The following SLC22A8 variants were observed in gnomAD, a reference collection of about 807,000 sequenced individuals.
The protein encoded by SLC22A8 is organic anion transporter 3.
A neutral mutation model predicts 48.4 loss-of-function variants in SLC22A8; 40 were observed. The ratio of observed to expected loss-of-function variants is 0.83; its 90% confidence interval spans 0.64 to 1.08. SLC22A8 has a LOEUF of 1.08. Ranked by LOEUF, SLC22A8 falls within the 50% of genes least tolerant of loss-of-function variation. SLC22A8 has a pLI of 0.00. For missense variants in SLC22A8, 606 were observed against 699.0 expected (o/e 0.87, Z 1.50); for synonymous variants, 268 against 286.3 (o/e 0.94, Z 0.65).
intron 2 of SLC22A8, among the ~76,000 whole-genome samples, chr11:63,001,578 C>T (rs115267591): frequency 5.4e-4 from 82 of 152,362 alleles, no homozygotes; most frequent in African/African-American, 1.9e-3. Flanking sequence ...GTCAGGCTTC[C>T]TGCTGTTCTG....
At chr11:62,995,082 A>C in intron 7 of SLC22A8, 1 of 408,138 alleles carries the variant, frequency 2.5e-6, no homozygotes, top group Non-Finnish European at 4.6e-6. Context: ...CTGGTTGGGC[A>C]GCAGTTTAAC....
rs762674610 is a variant in SLC22A8 at position 62,994,747 on chromosome 11, G to A, written c.1011C>T (p.Thr337=). 2.0e-5 allele frequency: 32 copies of A among 1,613,940 alleles called. No individual in the cohort carries two copies. Among genetic ancestry groups the A allele is most frequent in the East Asian group, 6.7e-5 (3 of 44,900 alleles). Residue 337 remains threonine (T), a synonymous_variant, in exon 8 of 11, where the codon ACC becomes ACT. Coordinates refer to ENST00000336232, the MANE Select transcript of SLC22A8 (RefSeq NM_004254.4). ...TFCLSLAWFA[T]GFAYYSLAMG... ...TAGCCAAACTATAGTAGGCAAAACC[G>A]GTAGCAAACCTGAGAGGCAGAGAAG...
chr11:63,012,851 C>T (rs1264630500), intron 2 of SLC22A8, among the ~76,000 whole-genome samples: 1 of 152,136 alleles, frequency 6.6e-6, no homozygotes, highest in Admixed American at 6.5e-5. Context: ...CAGTATTATG[C>T]ACTGGGTGTC....
Position 62,993,045 on chromosome 11 carries a change from G to A in SLC22A8, c.*192C>T, listed in dbSNP as rs1372672046. The A allele has an allele frequency of 3.4e-6, 2 of 591,780 alleles. No individual in the cohort carries two copies. Among genetic ancestry groups the A allele is most frequent in the Non-Finnish European group, 6.0e-6 (2 of 332,692 alleles). The allele number at this position is 591,780 out of a possible 1,614,324, so 36.7% of individuals were successfully genotyped here. Reference sequence around the variant, plus strand: ...GGCCTGGGTTGCAGGGAGAACAAGGGCAGGGATGGCTGAACCTTTGAACTG... The same window carrying A: ...GGCCTGGGTTGCAGGGAGAACAAGGACAGGGATGGCTGAACCTTTGAACTG... On this transcript the variant is annotated 3_prime_UTR_variant, in exon 11 of 11. Coordinates refer to ENST00000336232, the MANE Select transcript of SLC22A8 (RefSeq NM_004254.4).
chr11:62,998,826 G>A lies in SLC22A8; in HGVS notation c.761+95C>T, dbSNP rs1170824145. 7.0e-5 allele frequency: 77 copies of A among 1,102,618 alleles called. No individual in the cohort carries two copies. In the South Asian group the frequency reaches 7.8e-4, roughly 11 times the overall value. 68.3% of individuals were successfully genotyped at this position (1,102,618 alleles called of 1,614,324 possible). On this transcript the variant is annotated intron_variant, in intron 5 of 10. Coordinates refer to ENST00000336232, the MANE Select transcript of SLC22A8 (RefSeq NM_004254.4). ...TCCCTGACTCTGGGACTGGGTGCCC[G>A]GGGACACAGAGTTGGCCAGCCTGGG...
intron 5 of SLC22A8, 146 bp from the exon 6 acceptor site, chr11:62,996,298 G>T: frequency 1.2e-6 from 1 of 826,096 alleles, no homozygotes; most frequent in Non-Finnish European, 1.8e-6. Context: ...ATTTAAACTT[G>T]GACAAACTCT....
chr11:62,996,003 C>T (rs1016588695), intron 6 of SLC22A8, 26 bp downstream of exon 6: 12 of 1,613,918 alleles, frequency 7.4e-6, no homozygotes, highest in Non-Finnish European at 1.0e-5. Flanking sequence ...GGGTTCTGCT[C>T]CCAGACTATA....
chr11:63,013,404 T>C (rs1178853295), intron 2 of SLC22A8, among the ~76,000 whole-genome samples: 1 of 152,162 alleles, frequency 6.6e-6, no homozygotes, highest in Non-Finnish European at 1.5e-5. Flanking sequence ...AGATGTATAG[T>C]GCTTGGCACC....
At chr11:63,010,153 C>T (rs903766829) in intron 2 of SLC22A8, among the ~76,000 whole-genome samples, 10 of 152,218 alleles carry the variant, frequency 6.6e-5, no homozygotes, top group Non-Finnish European at 1.3e-4. Context: ...GGGCTCAGTA[C>T]TGTGCTTGCG....
At chr11:63,000,613 C>T in intron 3 of SLC22A8, 107 bp downstream of exon 3, 1 of 754,908 alleles carries the variant, frequency 1.3e-6, no homozygotes, top group South Asian at 1.7e-5. Context: ...AGAGCCATCC[C>T]ACCCTCCCCC....
chr11:63,014,334 C>T (rs564982655), intron 2 of SLC22A8, among the ~76,000 whole-genome samples: 13 of 152,296 alleles, frequency 8.5e-5, no homozygotes, highest in African/African-American at 3.1e-4. Context: ...GGGCTGTAGA[C>T]CCCCTGGGAG....
chr11:63,014,893 G>C lies in SLC22A8; in HGVS notation c.66C>G (p.Ala22=). 6.3e-7 allele frequency: 1 copy of C among 1,597,506 alleles called. No individual in the cohort carries two copies. The highest frequency in any genetic ancestry group is 8.6e-7 in the Non-Finnish European group (1 of 1,169,136). ...TGTTGAGGATCGGGAGGCCCAGTATGGCTACATGCAGGAACTGGAAATGGC... is the reference window on the plus strand; with the variant it reads ...TGTTGAGGATCGGGAGGCCCAGTATCGCTACATGCAGGAACTGGAAATGGC... ...SMGHFQFLHV[A]ILGLPILNMA... Residue 22 remains alanine, a synonymous_variant, in exon 2 of 11, where the codon GCC becomes GCG. Transcript: ENST00000336232.
intron 2 of SLC22A8, among the ~76,000 whole-genome samples, chr11:63,007,061 G>T (rs2086564834): frequency 6.6e-6 from 1 of 152,178 alleles, no homozygotes; most frequent in African/African-American, 2.4e-5. Flanking sequence ...AAAACCTATA[G>T]CAGATGTCTT....
intron 2 of SLC22A8, 93 bp from the exon 3 acceptor site, chr11:63,000,916 TC>T: frequency 1.1e-6 from 1 of 945,874 alleles, no homozygotes; most frequent in Non-Finnish European, 1.7e-6. Context: ...GGGCTTCCTC[TC>T]CCAGCGCCCT....
chr11:63,008,000 G>C (rs548216619), intron 2 of SLC22A8, among the ~76,000 whole-genome samples: 2 of 152,306 alleles, frequency 1.3e-5, no homozygotes, highest in Admixed American at 6.5e-5. Context: ...GCCTCCCTGC[G>C]TGCCGTGCTC....
At chr11:63,010,918 G>A (rs983957954) in intron 2 of SLC22A8, among the ~76,000 whole-genome samples, 1 of 152,170 alleles carries the variant, frequency 6.6e-6, no homozygotes, top group East Asian at 1.9e-4. Flanking sequence ...AGCAGTGAGC[G>A]GTGTCTACAT....
At chr11:63,014,349 C>T (rs547240225) in intron 2 of SLC22A8, among the ~76,000 whole-genome samples, 1 of 152,310 alleles carries the variant, frequency 6.6e-6, no homozygotes, top group East Asian at 1.9e-4. Context: ...TGGGAGCAGG[C>T]ATGGTGCATT....
intron 2 of SLC22A8, among the ~76,000 whole-genome samples, chr11:63,009,481 T>C (rs1448884557): frequency 6.6e-6 from 1 of 152,136 alleles, no homozygotes; most frequent in African/African-American, 2.4e-5. Flanking sequence ...TGCTCATCCA[T>C]GGCCAGGCCC....
intron 2 of SLC22A8, among the ~76,000 whole-genome samples, chr11:63,013,265 T>C (rs1002537163): frequency 1.3e-5 from 2 of 152,326 alleles, no homozygotes; most frequent in Admixed American, 1.3e-4. Context: ...ATCCTGCCTC[T>C]GCCAGGTTCT....
Sources: gnomAD v4.1 joint callset for allele counts (sites outside exome capture counted in the v4.1 genomes callset) on GRCh38, gnomAD v4.1.1 for gene constraint, MANE v1.5 for transcripts, NCBI Gene and HGNC (gene_info 2026-07-23, HGNC 2026-07-21) for gene names.